CPLANE1: variants seen among roughly 807,000 people sequenced by gnomAD.
CPLANE1 encodes the protein ciliogenesis and planar polarity effector complex subunit 1.
CPLANE1 carries 263 observed loss-of-function variants against 362.5 expected under a neutral mutation model. That is an observed-to-expected ratio of 0.73 (90% confidence interval 0.66 to 0.80). The LOEUF (loss-of-function observed/expected upper bound fraction) is 0.80. Among genes scored for constraint, CPLANE1 ranks in the 30% least tolerant of loss-of-function variants. CPLANE1 has a pLI of 0.00. For missense variants in CPLANE1, 3,461 were observed against 3,793.4 expected (o/e 0.91, Z 2.30); for synonymous variants, 1,212 against 1,302.6 (o/e 0.93, Z 1.50).
intron 46 of CPLANE1, among the ~76,000 whole-genome samples, chr5:37,131,557 T>A (rs1480137500): frequency 2.0e-5 from 3 of 151,030 alleles, no homozygotes; most frequent in Non-Finnish European, 2.9e-5. Flanking sequence ...TGAGACGGAG[T>A]TTCGCTCTAG....
intron 46 of CPLANE1, among the ~76,000 whole-genome samples, chr5:37,129,054 T>C (rs1163473970): frequency 1.3e-5 from 2 of 151,966 alleles, no homozygotes; most frequent in Admixed American, 6.6e-5. Flanking sequence ...GGTATAAAAA[T>C]AGGCACGTAG....
At chr5:37,240,353 G>GA (rs1181018949) in intron 6 of CPLANE1, among the ~76,000 whole-genome samples, 2 of 151,458 alleles carry the variant, frequency 1.3e-5, no homozygotes, top group African/African-American at 2.4e-5. Flanking sequence ...CCATATCAAA[G>GA]AAAAAAAAGA....
chr5:37,079,490 G>C, the CPLANE1 span, among the ~76,000 whole-genome samples: 2 of 152,156 alleles, frequency 1.3e-5, no homozygotes, highest in Non-Finnish European at 2.9e-5. Flanking sequence ...TATGTAAAAA[G>C]TTTCCCTTCA....
intron 30 of CPLANE1, 112 bp downstream of exon 30, chr5:37,177,509 C>T: frequency 1.3e-6 from 1 of 756,646 alleles, no homozygotes; most frequent in Non-Finnish European, 2.2e-6. Flanking sequence ...TACAGTTTCA[C>T]TAGAAACACA....
rs1341131480 is a variant in CPLANE1 at position 37,187,725 on chromosome 5, G to T, written c.3921+8C>A. The stretch of plus-strand genomic sequence containing the variant: ...GTTCATTTTTCTTATTTTTGCCCTG[G>T]TAAATACCTTTTCTCCTTTTACATT... On this transcript the variant is annotated splice_region_variant and intron_variant, in intron 22 of 52. Transcript: ENST00000651892. The T allele has an allele frequency of 1.2e-6, 2 of 1,606,994 alleles. No homozygotes were observed. The highest frequency in any genetic ancestry group is 2.7e-5 in the African/African-American group (2 of 74,614).
rs1054435289 is a variant in CPLANE1, at chr5:37,182,656, T to C, written c.5421+104A>G. The C allele has an allele frequency of 6.7e-6, 5 of 747,974 alleles. No individual in the cohort carries two copies. The South Asian group carries it at 8.1e-5, about 12-fold the overall frequency. The allele number at this position is 747,974 out of a possible 1,614,324, so 46.3% of individuals were successfully genotyped here. Reference sequence around the variant, plus strand: ...TGATTATAATCAACATTGTCATTAATTTTCTATTATTTAATGATTCTTTAA... The same window carrying C: ...TGATTATAATCAACATTGTCATTAACTTTCTATTATTTAATGATTCTTTAA... On this transcript the variant is annotated intron_variant, in intron 26 of 52. Transcript: ENST00000651892.
chr5:37,217,314 T>A (rs1301460037), intron 15 of CPLANE1, among the ~76,000 whole-genome samples: 1 of 152,140 alleles, frequency 6.6e-6, no homozygotes, highest in African/African-American at 2.4e-5. Context: ...ATTTTCAAAG[T>A]GTAAATCTCG....
In CPLANE1 at chr5:37,118,452, C is replaced by G. The variant is rs574536101; in HGVS notation, c.9310+1764G>C. Reference sequence around the variant, plus strand: ...CTAACCAAACCACGAAGGGTTTCATCTAAAGAATTGGGATTTATGGAAATT... The same window carrying G: ...CTAACCAAACCACGAAGGGTTTCATGTAAAGAATTGGGATTTATGGAAATT... On this transcript the variant is annotated intron_variant, in intron 50 of 52. Coordinates refer to ENST00000651892, the MANE Select transcript of CPLANE1 (RefSeq NM_001384732.1). 4.7e-5 allele frequency among the ~76,000 whole-genome samples: 7 copies of G among 150,382 alleles called. No individual in the cohort carries two copies. In the East Asian group the frequency reaches 1.4e-3, roughly 30 times the overall value.
chr5:37,108,175 C>G, intron 52 of CPLANE1, 118 bp downstream of exon 52: 2 of 975,550 alleles, frequency 2.1e-6, no homozygotes, highest in Non-Finnish European at 3.1e-6. Context: ...GACCTAACAA[C>G]TTTTCAGTAT....
chr5:37,081,941 G>T, the CPLANE1 span, among the ~76,000 whole-genome samples: 2 of 151,962 alleles, frequency 1.3e-5, no homozygotes, highest in African/African-American at 4.8e-5. Flanking sequence ...TGGAGTTTGC[G>T]ACCAGCCTAA....
the CPLANE1 span, among the ~76,000 whole-genome samples, chr5:37,081,089 T>C: frequency 3.3e-5 from 5 of 152,028 alleles, no homozygotes; most frequent in African/African-American, 1.2e-4. Context: ...TGAGGATCAC[T>C]CGAGGCTAAG....
At chr5:37,193,924 C>CTT (rs746454996) in intron 21 of CPLANE1, among the ~76,000 whole-genome samples, 13 of 136,598 alleles carry the variant, frequency 9.5e-5, no homozygotes, top group African/African-American at 1.6e-4. Flanking sequence ...CTTTTTTTTT[C>CTT]TTTTTTTTTT....
Position 37,183,843 on chromosome 5 carries a change from G to A in CPLANE1, c.4482-144C>T. The stretch of plus-strand genomic sequence containing the variant: ...AATTACCTACATTTCAAATGAGGGA[G>A]TGGGACTAAATGATTTCTAAGTGTT... On this transcript the variant is annotated intron_variant, in intron 25 of 52. Transcript: ENST00000651892. 5.0e-6 allele frequency: 3 copies of A among 597,716 alleles called. No individual in the cohort carries two copies. In the South Asian group the frequency reaches 7.1e-5, roughly 14 times the overall value. The allele number at this position is 597,716 out of a possible 1,614,324, so 37.0% of individuals were successfully genotyped here. A position where few individuals can be genotyped will look rare whatever the true frequency, so the allele number is the denominator to read the frequency against.
At chr5:37,134,805 T>A (rs1767107763) in intron 46 of CPLANE1, among the ~76,000 whole-genome samples, 1 of 151,886 alleles carries the variant, frequency 6.6e-6, no homozygotes, top group South Asian at 2.1e-4. Flanking sequence ...TTTTTTTTTT[T>A]TTTTTTTGAG....
chr5:37,138,007 T>G (rs1177302177), intron 46 of CPLANE1, among the ~76,000 whole-genome samples: 1 of 151,958 alleles, frequency 6.6e-6, no homozygotes, highest in Admixed American at 6.6e-5. Context: ...ATGAAAAGAA[T>G]GTATATTCTG....
At chr5:37,194,859 A>C (rs1242967670) in intron 21 of CPLANE1, among the ~76,000 whole-genome samples, 1 of 151,996 alleles carries the variant, frequency 6.6e-6, no homozygotes, top group Non-Finnish European at 1.5e-5. Flanking sequence ...GTCTAAAGAT[A>C]AGATCAGGGC....
At chr5:37,190,802 T>C (rs1341612255) in intron 21 of CPLANE1, among the ~76,000 whole-genome samples, 1 of 152,176 alleles carries the variant, frequency 6.6e-6, no homozygotes, top group Non-Finnish European at 1.5e-5. Context: ...GTCCACACAT[T>C]ACTCAGGTGT....
chr5:37,183,487 T>A lies in CPLANE1; in HGVS notation c.4694A>T (p.Asp1565Val), dbSNP rs1216051482. 1 of 1,613,376 alleles carries A rather than the reference T, an allele frequency of 6.2e-7. No homozygotes were observed. Among genetic ancestry groups the A allele is most frequent in the East Asian group, 2.2e-5 (1 of 44,818 alleles). Residue 1565 changes from aspartate (D) to valine (V), a missense_variant, in exon 26 of 53, where the codon GAC becomes GTC. Physicochemically the swap from Asp to Val is radical, Grantham distance 152. This residue lies in a region of CPLANE1 where 3,380 missense variants were observed against 3,666.1 expected (regional missense o/e 0.92). Transcript: ENST00000651892. ...DLFLSYILER[D>V]LPYSRDADIP... ...GTCAGCATCCCTGGAATAAGGTAGGTCTCTTTCAAGAATGTAACTCAAAAA... is the reference window on the plus strand; with the variant it reads ...GTCAGCATCCCTGGAATAAGGTAGGACTCTTTCAAGAATGTAACTCAAAAA...
the CPLANE1 span, among the ~76,000 whole-genome samples, chr5:37,090,859 A>G: frequency 6.6e-6 from 1 of 152,166 alleles, no homozygotes; most frequent in Non-Finnish European, 1.5e-5. Flanking sequence ...TCCGCTCTTG[A>G]GCCCACCCTG....
Sources: allele counts gnomAD v4.1 joint callset (sites outside exome capture counted in the v4.1 genomes callset), GRCh38; gene constraint gnomAD v4.1.1; regional missense constraint gnomAD v4.1.1; transcripts MANE v1.5; gene names NCBI Gene and HGNC (gene_info 2026-07-23, HGNC 2026-07-21).